KLHL26: variants seen among roughly 807,000 people sequenced by gnomAD.
The protein encoded by KLHL26 is kelch like family member 26.
Under a neutral mutation model 7.1 loss-of-function variants are expected in KLHL26, and 4 were observed. The ratio of observed to expected loss-of-function variants is 0.56; its 90% CI spans 0.28 to 1.28. The LOEUF (loss-of-function observed/expected upper bound fraction) is 1.28, where lower values mean the gene tolerates loss of function less well. Among genes scored for constraint, KLHL26 ranks in the 50% most tolerant of loss-of-function variants. The pLI, the probability that KLHL26 is intolerant of heterozygous loss-of-function variation, is 0.11. For missense variants in KLHL26, 896 were observed against 924.6 expected (o/e 0.97, Z 0.40); for synonymous variants, 465 against 414.1 (o/e 1.12, Z -1.49).
At chr19:18,655,684 G>A (rs1161518634) in intron 1 of KLHL26, among the ~76,000 whole-genome samples, 4 of 124,776 alleles carry the variant, frequency 3.2e-5, no homozygotes, top group African/African-American at 1.3e-4. Flanking sequence ...CAGGATGGGA[G>A]GGGTGCTGTG....
Position 18,649,527 on chromosome 19 carries a change from T to C in KLHL26, c.83+12390T>C, listed in dbSNP as rs1029185354. ...ACAGAGCCCAGGGCACCATACCGTT[T>C]TGCGTGTGCTGTCTTTAGTGAGTGA... On this transcript the variant is annotated intron_variant, in intron 1 of 2. Coordinates refer to ENST00000300976, the MANE Select transcript of KLHL26 (RefSeq NM_018316.3). This position sits in a 1 kb window ranked among gnomAD's most constrained non-coding sequence, Gnocchi z 4.0. 5.3e-5 allele frequency among the ~76,000 whole-genome samples: 8 copies of C among 152,220 alleles called. No individual in the cohort carries two copies. The highest frequency in any genetic ancestry group is 1.0e-4 in the Non-Finnish European group (7 of 68,022).
In KLHL26 at chr19:18,637,090, T is replaced by A; in HGVS notation, c.36T>A (p.Gly12=). The A allele has an allele frequency of 7.2e-7, 1 of 1,384,884 alleles. No homozygotes were observed. The highest frequency in any genetic ancestry group is 1.6e-5 in the South Asian group (1 of 60,616). The allele number at this position is 1,384,884 out of a possible 1,614,324, so 85.8% of individuals were successfully genotyped here. A position where few individuals can be genotyped will look rare whatever the true frequency, so the allele number is the denominator to read the frequency against. ...CCGGCGGTAGCAGCGGTGGTGCTGG[T>A]GGCGGCGGCGCTTTCGGCGCGGGCC... ...AESGGSSGGA[G]GGGAFGAGPG... is the part of the protein sequence containing the mutation. The change falls in exon 1 of 3, where the codon GGT becomes GGA. Residue 12 remains glycine (G), a synonymous_variant. Transcript: ENST00000300976.
Position 18,665,992 on chromosome 19 carries a change from G to A in KLHL26, c.266+1549G>A, listed in dbSNP as rs192646879. Among the ~76,000 whole-genome samples, 233 of 152,330 alleles carry A rather than the reference G, an allele frequency of 1.5e-3. 1 individual carries two copies. The highest frequency in any genetic ancestry group is 5.4e-3 in the African/African-American group (223 of 41,570). On this transcript the variant is annotated intron_variant, in intron 2 of 2. Coordinates refer to ENST00000300976, the MANE Select transcript of KLHL26 (RefSeq NM_018316.3). ...CTATTTTTATTCTGGATTTGGGGAC[G>A]GGTGGGCCAGCCCAGCCAGCAATGC...
chr19:18,654,938 G>A (rs1337728032), intron 1 of KLHL26, among the ~76,000 whole-genome samples: 1 of 152,246 alleles, frequency 6.6e-6, no homozygotes, highest in African/African-American at 2.4e-5. Context: ...TAGGCATGGC[G>A]GTGAGCACCA....
chr19:18,663,811 T>C (rs1288271137), intron 1 of KLHL26, among the ~76,000 whole-genome samples: 1 of 101,062 alleles, frequency 9.9e-6, no homozygotes, highest in Non-Finnish European at 2.0e-5. Context: ...CAGTGGGGGC[T>C]GGACCACAGA....
chr19:18,667,668 A>G lies in KLHL26; in HGVS notation c.271A>G (p.Met91Val), dbSNP rs2052463623. 1 of 1,610,164 alleles carries G rather than the reference A, an allele frequency of 6.2e-7. No individual in the cohort carries two copies. The highest frequency in any genetic ancestry group is 1.7e-5 in the Admixed American group (1 of 59,894). Residue 91 changes from methionine (M) to valine (V), a missense_variant, in exon 3 of 3, where the codon ATG (methionine) becomes GTG (valine). Met to Val is a conservative substitution (Grantham distance 21). Transcript: ENST00000300976. ...CGTTGTGTTTCTGCCCTTCAGGGCC[A>G]TGTTCACCGGCGGCATGCGGGAGGC... is the stretch of plus-strand genomic sequence containing the variant. ...LAACSDYFRA[M>V]FTGGMREASQ...
At chr19:18,663,979 T>G (rs2052417606) in intron 1 of KLHL26, among the ~76,000 whole-genome samples, 1 of 152,056 alleles carries the variant, frequency 6.6e-6, no homozygotes, top group South Asian at 2.1e-4. Context: ...AGATTCACAG[T>G]GGTATGCAAA....
chr19:18,644,246 T>G (rs944082812), intron 1 of KLHL26, among the ~76,000 whole-genome samples: 1 of 152,200 alleles, frequency 6.6e-6, no homozygotes, highest in Non-Finnish European at 1.5e-5. Flanking sequence ...ACTTCATTCC[T>G]TTTTATGGCT....
Position 18,649,526 on chromosome 19 carries a change from T to C in KLHL26, c.83+12389T>C, listed in dbSNP as rs1976864219. On this transcript the variant is annotated intron_variant, in intron 1 of 2. Transcript: ENST00000300976. This position sits in a 1 kb window ranked among gnomAD's most constrained non-coding sequence, Gnocchi z 4.0. ...TACAGAGCCCAGGGCACCATACCGT[T>C]TTGCGTGTGCTGTCTTTAGTGAGTG... Among the ~76,000 whole-genome samples, 1 of 152,240 alleles carries C rather than the reference T, an allele frequency of 6.6e-6. No individual in the cohort carries two copies. Among genetic ancestry groups the C allele is most frequent in the Non-Finnish European group, 1.5e-5 (1 of 68,034 alleles).
intron 1 of KLHL26, among the ~76,000 whole-genome samples, chr19:18,639,492 C>T (rs148152819): frequency 0.037 from 5,047 of 136,754 alleles, 99 homozygotes; most frequent in Non-Finnish European, 0.053. Flanking sequence ...TCACTGCAAC[C>T]TTTGCCTCCT....
intron 1 of KLHL26, among the ~76,000 whole-genome samples, chr19:18,654,774 C>T (rs1447503189): frequency 6.6e-6 from 1 of 151,900 alleles, no homozygotes; most frequent in Non-Finnish European, 1.5e-5. Context: ...TTTACCCATC[C>T]ACTCACCGAT....
intron 1 of KLHL26, among the ~76,000 whole-genome samples, chr19:18,660,425 C>T (rs2052380644): frequency 1.3e-5 from 2 of 152,200 alleles, no homozygotes; most frequent in African/African-American, 2.4e-5. Context: ...GCATTGGCTC[C>T]GATGACTCAC....
Position 18,637,052 on chromosome 19 carries a change from A to C in KLHL26, c.-3A>C. ...CACTCGAACGCGCGACGGCGGGGGG[A>C]AGATGGCGGAGTCCGGCGGTAGCAG... On this transcript the variant is annotated 5_prime_UTR_variant, in exon 1 of 3. Coordinates refer to ENST00000300976, the MANE Select transcript of KLHL26 (RefSeq NM_018316.3). 1 of 1,351,320 alleles carries C rather than the reference A, an allele frequency of 7.4e-7. No homozygotes were observed. Among genetic ancestry groups the C allele is most frequent in the East Asian group, 3.1e-5 (1 of 32,212 alleles). 83.7% of individuals were successfully genotyped at this position (1,351,320 alleles called of 1,614,324 possible).
chr19:18,646,700 C>G lies in KLHL26; in HGVS notation c.83+9563C>G, dbSNP rs1327029933. Among the ~76,000 whole-genome samples the G allele has an allele frequency of 6.6e-6, 1 of 152,210 alleles. No homozygotes were observed. Among genetic ancestry groups the G allele is most frequent in the African/African-American group, 2.4e-5 (1 of 41,456 alleles). ...GCAGTGCTGACGCCCATGATGGGGA[C>G]ACTGCCATCCTTCTGCCCGCCATGC... is the stretch of plus-strand genomic sequence containing the variant. On this transcript the variant is annotated intron_variant, in intron 1 of 2. Coordinates refer to ENST00000300976, the MANE Select transcript of KLHL26 (RefSeq NM_018316.3). The surrounding 1 kb of genome is among the most constrained non-coding windows in gnomAD (Gnocchi z 5.0).
At chr19:18,637,846 A>T (rs142853958) in intron 1 of KLHL26, among the ~76,000 whole-genome samples, 2 of 152,284 alleles carry the variant, frequency 1.3e-5, no homozygotes, top group South Asian at 4.2e-4. Context: ...TAAAGGACTT[A>T]CAGAAAGGTC....
At position 18,656,787 on chromosome 19, in the gene KLHL26, A is replaced by G. The variant is rs926856227; in HGVS notation, c.84-7474A>G. Among the ~76,000 whole-genome samples, 1 of 151,552 alleles carries G rather than the reference A, an allele frequency of 6.6e-6. No homozygotes were observed. The highest frequency in any genetic ancestry group is 1.5e-5 in the Non-Finnish European group (1 of 67,816). ...TCTGACCCTGCCTGGCCTGCCCAGCACGCCTGCCCTCCCAGCACAGGGCGG... is the reference window on the plus strand; with the variant it reads ...TCTGACCCTGCCTGGCCTGCCCAGCGCGCCTGCCCTCCCAGCACAGGGCGG... On this transcript the variant is annotated intron_variant, in intron 1 of 2. Transcript: ENST00000300976. This position sits in a 1 kb window ranked among gnomAD's most constrained non-coding sequence, Gnocchi z 4.4.
Position 18,669,189 on chromosome 19 carries a change from T to C in KLHL26, c.1792T>C (p.Phe598Leu). ...WERDLHFPES[F>L]AGIACAPVLL... is the part of the protein sequence containing the mutation. ...GCGGGACCTGCACTTCCCGGAGTCC[T>C]TCGCAGGCATAGCCTGCGCCCCCGT... The change falls in exon 3 of 3, where the codon TTC becomes CTC. Residue 598 changes from phenylalanine (F) to leucine (L), a missense_variant. By Grantham distance (22) the Phe-to-Leu change is conservative. Coordinates refer to ENST00000300976, the MANE Select transcript of KLHL26 (RefSeq NM_018316.3). 1 of 1,612,502 alleles carries C rather than the reference T, an allele frequency of 6.2e-7. No individual in the cohort carries two copies. The highest frequency in any genetic ancestry group is 8.5e-7 in the Non-Finnish European group (1 of 1,179,950).
chr19:18,666,466 G>A (rs2052448920), intron 2 of KLHL26, among the ~76,000 whole-genome samples: 1 of 152,202 alleles, frequency 6.6e-6, no homozygotes, highest in South Asian at 2.1e-4. Flanking sequence ...TGGAGCTGGG[G>A]TGCTCTCCCC....
rs1015099723 is a variant in KLHL26 at position 18,671,563 on chromosome 19, C to T, written c.*2318C>T. 4 of 152,262 alleles carry T rather than the reference C, an allele frequency of 2.6e-5. No individual in the cohort carries two copies. The highest frequency in any genetic ancestry group is 9.7e-5 in the African/African-American group (4 of 41,446). The allele number at this position is 152,262 out of a possible 1,614,324, so 9.4% of individuals were successfully genotyped here. A position where few individuals can be genotyped will look rare whatever the true frequency, so the allele number is the denominator to read the frequency against. ...GGGCGGGGGGCGCTGCTGTATCTAA[C>T]CGGATCGATTGTGCATAACCGTCTA... On this transcript the variant is annotated 3_prime_UTR_variant, in exon 3 of 3. Transcript: ENST00000300976.
Sources: allele counts gnomAD v4.1 joint callset (sites outside exome capture counted in the v4.1 genomes callset), GRCh38; gene constraint gnomAD v4.1.1; non-coding constraint Gnocchi (gnomAD v3.1); transcripts MANE v1.5; gene names NCBI Gene and HGNC (gene_info 2026-07-23, HGNC 2026-07-21).